The following WDR19 variants were observed in gnomAD, a reference collection of about 807,000 sequenced individuals.
WDR19 encodes WD repeat-containing protein 19.
WDR19 carries 121 observed loss-of-function variants against 180.0 expected under a neutral mutation model. That is an observed-to-expected ratio of 0.67 (90% CI 0.58 to 0.78). WDR19 has a LOEUF of 0.78. WDR19 is among the 30% of genes least tolerant of loss of function. The probability of loss-of-function intolerance (pLI) is 0.00; values close to 1 mark genes in which losing one functional copy is unlikely to be tolerated. For synonymous variants in WDR19, 497 were observed against 540.7 expected, an observed-to-expected ratio of 0.92 and a Z score of 1.12; for missense variants, 1,450 against 1,640.7, an observed-to-expected ratio of 0.88 and a Z score of 2.01.
At chr4:39,194,782 C>G in intron 5 of WDR19, 123 bp downstream of exon 5, 2 of 658,712 alleles carry the variant, frequency 3.0e-6, no homozygotes, top group Non-Finnish European at 5.3e-6. Flanking sequence ...CTCCCCATGT[C>G]CCTCCGCAAG....
intron 2 of WDR19, among the ~76,000 whole-genome samples, 199 bp from the exon 3 acceptor site, chr4:39,186,340 A>T (rs1725535838): frequency 6.6e-6 from 1 of 151,958 alleles, no homozygotes; most frequent in South Asian, 2.1e-4. Flanking sequence ...TTAGCCAGGT[A>T]TGGTGGCAGG....
At chr4:39,217,109 T>TA (rs752622073) in intron 12 of WDR19, 25 bp from the exon 13 acceptor site, 1 of 1,512,946 alleles carries the variant, frequency 6.6e-7, no homozygotes, top group African/African-American at 1.4e-5. Flanking sequence ...CATTTTAATG[T>TA]GTTGGTTTTT....
chr4:39,194,300 G>T (rs1206158435), intron 4 of WDR19, among the ~76,000 whole-genome samples: 1 of 152,118 alleles, frequency 6.6e-6, no homozygotes, highest in Non-Finnish European at 1.5e-5. Flanking sequence ...GAATTTTGAG[G>T]TTCCATCATA....
rs1729054259 is a variant in WDR19 at position 39,216,195 on chromosome 4, G to A, written c.1234G>A (p.Val412Ile). The part of the protein sequence containing the change: ...VGMNNRAWFY[V>I]LGENAVKKLK... ...AATGAATAATCGAGCTTGGTTTTATGTCCTTGGAGAAAATGGCAAGTCTAA... is the reference window on the plus strand; with the variant it reads ...AATGAATAATCGAGCTTGGTTTTATATCCTTGGAGAAAATGGCAAGTCTAA... Residue 412 changes from valine (V) to isoleucine (I), a missense_variant, in exon 12 of 37, where the codon GTC (valine) becomes ATC (isoleucine). Val to Ile is a conservative substitution (Grantham distance 29). Coordinates refer to ENST00000399820, the MANE Select transcript of WDR19 (RefSeq NM_025132.4). The A allele has an allele frequency of 6.4e-7, 1 of 1,568,792 alleles. No homozygotes were observed.
intron 23 of WDR19, among the ~76,000 whole-genome samples, 175 bp downstream of exon 23, chr4:39,244,727 CA>C (rs1732333945): frequency 6.6e-6 from 1 of 152,016 alleles, no homozygotes; most frequent in African/African-American, 2.4e-5. Context: ...GTTCTTTTTC[CA>C]AAGAATAGCA....
chr4:39,218,611 C>T (rs1327667827), intron 14 of WDR19: 4 of 152,748 alleles, frequency 2.6e-5, no homozygotes, highest in African/African-American at 9.7e-5. Flanking sequence ...ACGTGAAGGC[C>T]TGCAGCATTA....
intron 3 of WDR19, 75 bp downstream of exon 3, chr4:39,186,679 AT>A (rs2109744053): frequency 4.0e-6 from 4 of 1,002,782 alleles, no homozygotes; most frequent in Non-Finnish European, 5.7e-6. Context: ...CTGCCTTAAA[AT>A]TATAATCAGA....
Position 39,278,134 on chromosome 4 carries a change from C to G in WDR19, c.3844C>G (p.Arg1282Gly). 2 of 1,601,420 alleles carry G rather than the reference C, an allele frequency of 1.2e-6. No homozygotes were observed. The highest frequency in any genetic ancestry group is 1.7e-6 in the Non-Finnish European group (2 of 1,173,644). Residue 1282 changes from arginine to glycine, a missense_variant, in exon 35 of 37, where the codon CGA becomes GGA. Transcript: ENST00000399820. ...CTCTTAAACATCCTGTTTCCAGGGT[C>G]GACACATGTTGAAAGATGACTGGAC... The part of the protein sequence containing the change: ...NSIPYCIATG[R>G]HMLKDDWTVC...
chr4:39,232,390 C>A, intron 19 of WDR19, 118 bp downstream of exon 19: 2 of 785,020 alleles, frequency 2.5e-6, no homozygotes, highest in Non-Finnish European at 4.1e-6. Flanking sequence ...TTTGGGAGGC[C>A]AAGGTGGATG....
chr4:39,246,894 G>A (rs1009470484), intron 24 of WDR19, among the ~76,000 whole-genome samples: 1 of 152,214 alleles, frequency 6.6e-6, no homozygotes, highest in Non-Finnish European at 1.5e-5. Flanking sequence ...GCTCAAGGAG[G>A]CCTGCCTGCC....
At position 39,196,966 on chromosome 4, in the gene WDR19, G is replaced by A. The variant is rs540675034; in HGVS notation, c.406+2307G>A. On this transcript the variant is annotated intron_variant, in intron 5 of 36. Coordinates refer to ENST00000399820, the MANE Select transcript of WDR19 (RefSeq NM_025132.4). ...ACTGTATTAGATTCTTTGAGGGTAC[G>A]AAGAATAAAATGAATGTGGTCTCTG... Among the ~76,000 whole-genome samples the A allele has an allele frequency of 1.5e-3, 224 of 152,288 alleles. 2 individuals carry two copies. Among genetic ancestry groups the A allele is most frequent in the African/African-American group, 5.1e-3 (212 of 41,550 alleles).
chr4:39,216,181 G>T lies in WDR19; in HGVS notation c.1220G>T (p.Arg407Leu). 1.3e-6 allele frequency: 2 copies of T among 1,580,792 alleles called. No individual in the cohort carries two copies. Among genetic ancestry groups the T allele is most frequent in the South Asian group, 2.4e-5 (2 of 84,508 alleles). Reference protein sequence around the residue: ...LYHLAVGMNNRAWFYVLGENA... With the variant: ...LYHLAVGMNNLAWFYVLGENA... ...CATCTGGCTGTAGGAATGAATAATC[G>T]AGCTTGGTTTTATGTCCTTGGAGAA... The change falls in exon 12 of 37, where the codon CGA becomes CTA. Residue 407 changes from arginine to leucine, a missense_variant. Coordinates refer to ENST00000399820, the MANE Select transcript of WDR19 (RefSeq NM_025132.4).
intron 5 of WDR19, among the ~76,000 whole-genome samples, chr4:39,195,009 T>G (rs1478274864): frequency 1.3e-5 from 2 of 152,218 alleles, no homozygotes; most frequent in Non-Finnish European, 2.9e-5. Flanking sequence ...CTATTTTTGT[T>G]ATTAATTTTA....
At chr4:39,266,676 C>T (rs1195764131) in intron 29 of WDR19, among the ~76,000 whole-genome samples, 1 of 152,240 alleles carries the variant, frequency 6.6e-6, no homozygotes. Context: ...GATGTTGCAA[C>T]TATGACCTAG....
rs1729241820 is a variant in WDR19, at chr4:39,217,943, CAAAT to C, written c.1357-35_1357-32del. 3 of 1,607,842 alleles carry C rather than the reference CAAAT, an allele frequency of 1.9e-6. No homozygotes were observed. The African/African-American group carries it at 4.0e-5, about 22-fold the overall frequency. The stretch of plus-strand genomic sequence containing the variant: ...CTAGATGTTGTATAGATGGTTTACT[CAAAT>C]AAATCTGTGAGCCATTATTATTCTT... On this transcript the variant is annotated intron_variant, in intron 13 of 36. Coordinates refer to ENST00000399820, the MANE Select transcript of WDR19 (RefSeq NM_025132.4).
rs757105603 is a variant in WDR19, at chr4:39,253,195, G to A, written c.2779G>A (p.Val927Ile). 1.3e-5 allele frequency: 21 copies of A among 1,612,880 alleles called. No homozygotes were observed. The highest frequency in any genetic ancestry group is 6.7e-5 in the Admixed American group (4 of 59,870). Residue 927 changes from valine (V) to isoleucine (I), a missense_variant, in exon 25 of 37, where the codon GTA becomes ATA. Physicochemically the swap from Val to Ile is conservative, Grantham distance 29 (BLOSUM62 3). Transcript: ENST00000399820. ...AYENAKQWQS[V>I]IRIYLDHLNN... is the part of the protein sequence containing the mutation. The stretch of plus-strand genomic sequence containing the variant: ...TGAAAATGCAAAACAGTGGCAAAGT[G>A]TAATCCGCATCTATCTGGATCACCT...
At chr4:39,275,435 T>TTTGAC in intron 33 of WDR19, 1 of 222,274 alleles carries the variant, frequency 4.5e-6, no homozygotes, top group South Asian at 7.1e-5. Flanking sequence ...TCAGTATTTA[T>TTTGAC]TTGACTCATA....
chr4:39,281,215 G>GTGTGTGTGTGTGTGTGTATA lies in WDR19; in HGVS notation c.*13+2553_*13+2554insGTGTGTGTGTGTGTGTATAT, dbSNP rs1167602972. Among the ~76,000 whole-genome samples, 64 of 110,122 alleles carry GTGTGTGTGTGTGTGTGTATA rather than the reference G, an allele frequency of 5.8e-4. 1 individual carries two copies. Among genetic ancestry groups the GTGTGTGTGTGTGTGTGTATA allele is most frequent in the African/African-American group, 1.8e-3 (42 of 23,510 alleles). The allele number at this position is 110,122 out of a possible 152,430, so 72.2% of individuals were successfully genotyped here. The stretch of plus-strand genomic sequence containing the variant: ...TTGTCCTAAATATATATGTGTGTGT[G>GTGTGTGTGTGTGTGTGTATA]TATATATATATATATATATATAGAG... On this transcript the variant is annotated intron_variant, in intron 36 of 36. Coordinates refer to ENST00000399820, the MANE Select transcript of WDR19 (RefSeq NM_025132.4).
intron 23 of WDR19, 74 bp from the exon 24 acceptor site, chr4:39,245,295 A>G (rs1451009051): frequency 3.2e-6 from 4 of 1,244,186 alleles, no homozygotes; most frequent in Non-Finnish European, 4.5e-6. Flanking sequence ...CCTAAAACCT[A>G]ACATTTGGTT....
Sources: gnomAD v4.1 joint callset for allele counts (sites outside exome capture counted in the v4.1 genomes callset) on GRCh38, gnomAD v4.1.1 for gene constraint, MANE v1.5 for transcripts, NCBI Gene and HGNC (gene_info 2026-07-23, HGNC 2026-07-21) for gene names.